QKI: variants seen among roughly 807,000 people sequenced by gnomAD.
The protein encoded by QKI is KH domain-containing RNA-binding protein QKI.
QKI carries 10 observed loss-of-function variants against 39.0 expected under a neutral mutation model. The ratio of observed to expected loss-of-function variants is 0.26; its 90% CI spans 0.16 to 0.43. The LOEUF is 0.43. Among genes scored for constraint, QKI ranks in the 20% least tolerant of loss-of-function variants. QKI has a pLI of 1.00. For missense variants in QKI, 218 were observed against 428.0 expected, an observed-to-expected ratio of 0.51 and a Z score of 4.33; for synonymous variants, 204 against 155.4, an observed-to-expected ratio of 1.31 and a Z score of -2.33.
intron 3 of QKI, among the ~76,000 whole-genome samples, chr6:163,533,809 A>C (rs1376484048): frequency 6.6e-6 from 1 of 152,164 alleles, no homozygotes; most frequent in African/African-American, 2.4e-5. Context: ...TCCCCTTACA[A>C]TATGTGGATG....
chr6:163,415,906 G>T, intron 1 of QKI: 1 of 513,686 alleles, frequency 1.9e-6, no homozygotes, highest in South Asian at 1.4e-5. Flanking sequence ...GTCAGTGTGG[G>T]GCTCGTTAGT....
intron 1 of QKI, among the ~76,000 whole-genome samples, chr6:163,418,268 A>T (rs1305517514): frequency 6.6e-6 from 1 of 152,154 alleles, no homozygotes; most frequent in East Asian, 1.9e-4. Context: ...TTATTTTAAA[A>T]TATTTTTCAA....
At chr6:163,454,308 TA>T (rs556967372) in intron 1 of QKI, among the ~76,000 whole-genome samples, 14 of 152,044 alleles carry the variant, frequency 9.2e-5, no homozygotes, top group African/African-American at 2.9e-4. Context: ...CTCCTACTTT[TA>T]AAAAAAATGT....
At chr6:163,567,409 A>G in intron 7 of QKI, 1 of 985,628 alleles carries the variant, frequency 1.0e-6, no homozygotes, top group Non-Finnish European at 1.2e-6. Flanking sequence ...TTTTATTCTT[A>G]CATTCTCTTG....
chr6:163,570,668 GTTTTT>G, intron 7 of QKI, 21 bp from the exon 8 acceptor site: 1 of 1,576,070 alleles, frequency 6.3e-7, no homozygotes, highest in Non-Finnish European at 8.6e-7. Context: ...TTTTTGTTTT[GTTTTT>G]TTTTGTTTCT....
chr6:163,465,185 A>G (rs1009090802), intron 2 of QKI, among the ~76,000 whole-genome samples: 2 of 152,212 alleles, frequency 1.3e-5, no homozygotes, highest in Non-Finnish European at 2.9e-5. Context: ...GTATGCCACA[A>G]CATAATAAAG....
chr6:163,438,493 C>T (rs1430455860), intron 1 of QKI, among the ~76,000 whole-genome samples: 1 of 152,192 alleles, frequency 6.6e-6, no homozygotes, highest in East Asian at 1.9e-4. Flanking sequence ...GTATAGCCTA[C>T]TACACACCTC....
intron 7 of QKI, chr6:163,567,984 A>G (rs1047190413): frequency 5.1e-6 from 5 of 985,462 alleles, no homozygotes; most frequent in Non-Finnish European, 6.0e-6. Context: ...AGCATAATCC[A>G]TAAAGAACGT....
chr6:163,424,934 G>A (rs1326407988), intron 1 of QKI, among the ~76,000 whole-genome samples: 2 of 152,076 alleles, frequency 1.3e-5, no homozygotes, highest in African/African-American at 2.4e-5. Flanking sequence ...CCCGGCCTGC[G>A]TCATCTGCTT....
chr6:163,546,575 T>G (rs1484955790), intron 4 of QKI, among the ~76,000 whole-genome samples: 2 of 152,078 alleles, frequency 1.3e-5, no homozygotes, highest in Non-Finnish European at 2.9e-5. Flanking sequence ...ATATTTACTT[T>G]GCTTGTATTT....
At chr6:163,486,311 A>G (rs1450213827) in intron 3 of QKI, among the ~76,000 whole-genome samples, 2 of 152,178 alleles carry the variant, frequency 1.3e-5, no homozygotes, top group African/African-American at 2.4e-5. Context: ...TTAACTTAAT[A>G]TTTGTTTCCC....
chr6:163,465,827 A>G, intron 2 of QKI, among the ~76,000 whole-genome samples: 1 of 151,458 alleles, frequency 6.6e-6, no homozygotes, highest in South Asian at 2.1e-4. Context: ...AAACTATTCA[A>G]AAAAGAGATT....
intron 3 of QKI, among the ~76,000 whole-genome samples, chr6:163,524,498 C>T (rs778016388): frequency 2.2e-4 from 33 of 151,874 alleles, no homozygotes; most frequent in African/African-American, 6.3e-4. Flanking sequence ...AGTTTCGTTT[C>T]GCTCTTGTTG....
At chr6:163,517,710 AGAAAT>A (rs1440639536) in intron 3 of QKI, among the ~76,000 whole-genome samples, 4 of 152,218 alleles carry the variant, frequency 2.6e-5, no homozygotes, top group South Asian at 2.1e-4. Context: ...GAAACATACA[AGAAAT>A]GAAATTCTGG....
At chr6:163,567,289 A>C (rs966136766) in intron 7 of QKI, 1 of 986,696 alleles carries the variant, frequency 1.0e-6, no homozygotes, top group Non-Finnish European at 1.2e-6. Flanking sequence ...CCACTGTATA[A>C]ACATGAGGGT....
chr6:163,474,350 A>C lies in QKI; in HGVS notation c.286-4430A>C, dbSNP rs141084584. 2.2e-4 allele frequency among the ~76,000 whole-genome samples: 33 copies of C among 152,288 alleles called. No homozygotes were observed. The East Asian group carries it at 5.8e-3, about 27-fold the overall frequency. On this transcript the variant is annotated intron_variant, in intron 2 of 7. Coordinates refer to ENST00000361752, the MANE Select transcript of QKI (RefSeq NM_006775.3). ...GATAGCAAGAAAAAGAAATAAAAAT[A>C]TATGATAGGAAAGGAAAATAGAGAA...
At chr6:163,482,388 A>G (rs1015786715) in intron 3 of QKI, among the ~76,000 whole-genome samples, 8 of 152,128 alleles carry the variant, frequency 5.3e-5, no homozygotes, top group African/African-American at 1.9e-4. Flanking sequence ...CCCACAAACC[A>G]AACAAATCTC....
intron 3 of QKI, among the ~76,000 whole-genome samples, chr6:163,492,644 A>G (rs185923610): frequency 2.0e-5 from 3 of 152,320 alleles, no homozygotes; most frequent in Admixed American, 2.0e-4. Flanking sequence ...CACTTCAAAT[A>G]GAAAAAAATT....
chr6:163,472,844 C>T (rs1792302596), intron 2 of QKI, among the ~76,000 whole-genome samples: 1 of 151,914 alleles, frequency 6.6e-6, no homozygotes, highest in Non-Finnish European at 1.5e-5. Context: ...ACAACTAAAA[C>T]CAGCTTAGAG....
Sources: allele counts gnomAD v4.1 joint callset (sites outside exome capture counted in the v4.1 genomes callset), GRCh38; gene constraint gnomAD v4.1.1; transcripts MANE v1.5; gene names NCBI Gene and HGNC (gene_info 2026-07-23, HGNC 2026-07-21).